The following WDR37 variants were observed in gnomAD, a reference collection of about 807,000 sequenced individuals.
WDR37 encodes WD repeat domain 37.
In WDR37, 19 loss-of-function variants were observed where a neutral mutation model predicts 62.9. That is an observed-to-expected ratio of 0.30 (90% CI 0.21 to 0.44). WDR37 has a LOEUF of 0.44. Among genes scored for constraint, WDR37 ranks in the 20% least tolerant of loss-of-function variants. The pLI is 1.00. For synonymous variants in WDR37, 250 were observed against 260.9 expected (o/e 0.96, Z 0.40); for missense variants, 474 against 657.6 (o/e 0.72, Z 3.05).
At chr10:1,088,180 C>G (rs1834264190) in intron 7 of WDR37, among the ~76,000 whole-genome samples, 1 of 152,210 alleles carries the variant, frequency 6.6e-6, no homozygotes, top group African/African-American at 2.4e-5. Flanking sequence ...CTGGTTTAAT[C>G]AGTCCCCACC....
intron 7 of WDR37, among the ~76,000 whole-genome samples, chr10:1,089,721 A>C (rs117286644): frequency 9.4e-6 from 1 of 105,880 alleles, no homozygotes; most frequent in African/African-American, 2.9e-5. Context: ...CCGCAATTCA[A>C]CCTTCCTGTG....
rs377333387 is a variant in WDR37 at position 1,105,277 on chromosome 10, G to A, written c.1103+10G>A. On this transcript the variant is annotated intron_variant, in intron 11 of 13. Transcript: ENST00000263150. This position sits in a 1 kb window ranked among gnomAD's most constrained non-coding sequence, Gnocchi z 5.3. The stretch of plus-strand genomic sequence containing the variant: ...TCCAGGGACACACGGAGTGAGTTGC[G>A]GTAGTTTAGACATCTGTCCTTAGTC... 1.4e-4 allele frequency: 228 copies of A among 1,612,514 alleles called. No individual in the cohort carries two copies. The highest frequency in any genetic ancestry group is 8.2e-4 in the Admixed American group (49 of 59,834).
intron 1 of WDR37, 129 bp from the exon 2 acceptor site, chr10:1,071,987 C>T (rs1833745871): frequency 6.3e-6 from 4 of 632,132 alleles, no homozygotes; most frequent in South Asian, 3.5e-5. Context: ...TGTCATATTC[C>T]AAATTATATA....
rs140949540 is a variant in WDR37 at position 1,080,709 on chromosome 10, C to A, written c.396+233C>A. Among the ~76,000 whole-genome samples, 711 of 152,110 alleles carry A rather than the reference C, an allele frequency of 4.7e-3. 5 individuals are homozygous for A. Among genetic ancestry groups the A allele is most frequent in the African/African-American group, 0.016 (667 of 41,480 alleles). ...TCACTTGAGGTCAGGAGTTTGAGACCAGCTTGGACAACATGGTGAAACCCT... is the reference window on the plus strand; with the variant it reads ...TCACTTGAGGTCAGGAGTTTGAGACAAGCTTGGACAACATGGTGAAACCCT... On this transcript the variant is annotated intron_variant, in intron 5 of 13. Coordinates refer to ENST00000263150, the MANE Select transcript of WDR37 (RefSeq NM_014023.4).
chr10:1,079,982 T>C lies in WDR37; in HGVS notation c.236-29T>C, dbSNP rs1354123644. ...TACACTTAAACATAAAAACATACTT[T>C]AGATTTTTGAAAACTTTTTTCTTCC... On this transcript the variant is annotated intron_variant, in intron 3 of 13. Transcript: ENST00000263150. 7 of 1,604,422 alleles carry C rather than the reference T, an allele frequency of 4.4e-6. No homozygotes were observed. The Admixed American group carries it at 5.0e-5, about 12-fold the overall frequency.
chr10:1,075,191 C>A (rs1833837253), intron 2 of WDR37, among the ~76,000 whole-genome samples: 1 of 152,044 alleles, frequency 6.6e-6, no homozygotes. Flanking sequence ...TGGGACAAGT[C>A]CTCATTTCTC....
intron 7 of WDR37, among the ~76,000 whole-genome samples, chr10:1,091,377 A>G (rs1834382890): frequency 6.6e-6 from 1 of 152,236 alleles, no homozygotes; most frequent in Non-Finnish European, 1.5e-5. Context: ...TTTATTGCTT[A>G]TAAGTGTACA....
At chr10:1,109,676 A>G (rs1835148084) in intron 11 of WDR37, among the ~76,000 whole-genome samples, 1 of 152,072 alleles carries the variant, frequency 6.6e-6, no homozygotes, top group Non-Finnish European at 1.5e-5. Context: ...ACGCCGTTGC[A>G]CTCCAGCCTG....
intron 11 of WDR37, among the ~76,000 whole-genome samples, chr10:1,116,817 C>T (rs964292526): frequency 2.0e-5 from 3 of 152,174 alleles, no homozygotes; most frequent in African/African-American, 7.2e-5. Context: ...AATGTTTTGT[C>T]TTGTGACCAC....
intron 11 of WDR37, among the ~76,000 whole-genome samples, chr10:1,110,094 G>A (rs1217363403): frequency 4.6e-5 from 7 of 152,150 alleles, no homozygotes; most frequent in East Asian, 1.9e-4. Flanking sequence ...ATGAACTAGC[G>A]TATCTTGTTG....
At chr10:1,065,316 A>G (rs544917014) in intron 1 of WDR37, among the ~76,000 whole-genome samples, 2 of 152,326 alleles carry the variant, frequency 1.3e-5, no homozygotes, top group South Asian at 4.1e-4. Flanking sequence ...AACTGGTAAA[A>G]TGTTGATAAT....
At chr10:1,102,412 CAG>C (rs916027167) in intron 9 of WDR37, among the ~76,000 whole-genome samples, 17 of 152,196 alleles carry the variant, frequency 1.1e-4, no homozygotes, top group African/African-American at 4.1e-4. Flanking sequence ...ATACTTGAGA[CAG>C]GGTAATTTAT....
chr10:1,109,809 A>C (rs1328423824), intron 11 of WDR37, among the ~76,000 whole-genome samples: 1 of 152,240 alleles, frequency 6.6e-6, no homozygotes, highest in East Asian at 1.9e-4. Context: ...TGTACTTATG[A>C]AGAATGTAGT....
rs1167944968 is a variant in WDR37, at chr10:1,080,022, A to G, written c.247A>G (p.Ile83Val). The change falls in exon 4 of 14, where the codon ATC becomes GTC. Residue 83 changes from isoleucine to valine, a missense_variant. Coordinates refer to ENST00000263150, the MANE Select transcript of WDR37 (RefSeq NM_014023.4). The stretch of plus-strand genomic sequence containing the variant: ...TTTTTTCTTCCCAGTACGTAGAGAA[A>G]TCGACACTCTTAATGAACGTTTAGC... Reference protein sequence around the residue: ...YIENLELRREIDTLNERLAAE... With the variant: ...YIENLELRREVDTLNERLAAE... 3 of 1,613,978 alleles carry G rather than the reference A, an allele frequency of 1.9e-6. No homozygotes were observed. Among genetic ancestry groups the G allele is most frequent in the African/African-American group, 2.7e-5 (2 of 74,908 alleles).
At chr10:1,104,610 G>GATA (rs1834944573) in intron 10 of WDR37, among the ~76,000 whole-genome samples, 1 of 152,184 alleles carries the variant, frequency 6.6e-6, no homozygotes. Flanking sequence ...TTACCAGAAA[G>GATA]ATAATCTCAT....
chr10:1,068,017 T>C (rs1184478334), intron 1 of WDR37, among the ~76,000 whole-genome samples: 1 of 151,938 alleles, frequency 6.6e-6, no homozygotes, highest in East Asian at 1.9e-4. Flanking sequence ...CTAAAAAATG[T>C]GAACACATGG....
intron 7 of WDR37, 36 bp downstream of exon 7, chr10:1,086,393 C>G: frequency 6.4e-7 from 1 of 1,551,776 alleles, no homozygotes; most frequent in Admixed American, 1.7e-5. Context: ...AGCCAGAGGC[C>G]GTTGCCTTCT....
rs578103892 is a variant in WDR37, at chr10:1,115,268, C to T, written c.1104-8950C>T. Among the ~76,000 whole-genome samples, 4 of 152,282 alleles carry T rather than the reference C, an allele frequency of 2.6e-5. No homozygotes were observed. The South Asian group carries it at 6.2e-4, about 24-fold the overall frequency. ...TTCTTCCTTTTTAATTCTTTGCAAA[C>T]GATTTTAACTTTATTCCCAAAATGT... On this transcript the variant is annotated intron_variant, in intron 11 of 13. Coordinates refer to ENST00000263150, the MANE Select transcript of WDR37 (RefSeq NM_014023.4).
chr10:1,092,008 G>A (rs369352225), intron 7 of WDR37, among the ~76,000 whole-genome samples: 5 of 150,832 alleles, frequency 3.3e-5, no homozygotes, highest in African/African-American at 9.8e-5. Context: ...GTGAAACCCC[G>A]TTTCTACTAA....
Sources: gnomAD v4.1 joint callset for allele counts (sites outside exome capture counted in the v4.1 genomes callset) on GRCh38, gnomAD v4.1.1 for gene constraint, Gnocchi (gnomAD v3.1) non-coding constraint, MANE v1.5 for transcripts, NCBI Gene and HGNC (gene_info 2026-07-23, HGNC 2026-07-21) for gene names.